FBXO25: variants seen among roughly 807,000 people sequenced by gnomAD.
FBXO25 encodes F-box only protein 25.
FBXO25 carries 45 observed loss-of-function variants against 51.9 expected under a neutral mutation model. The observed-to-expected ratio is 0.87, with a 90% CI of 0.68 to 1.11. The LOEUF (loss-of-function observed/expected upper bound fraction) is 1.11, where lower values mean the gene tolerates loss of function less well. Ranked by LOEUF, FBXO25 falls within the 50% of genes most tolerant of loss-of-function variation. FBXO25 has a pLI of 0.00. For missense variants in FBXO25, 507 were observed against 428.5 expected (o/e 1.18, Z -1.62); for synonymous variants, 199 against 151.0 (o/e 1.32, Z -2.33).
In FBXO25 at chr8:470,545, G is replaced by GC. The variant is rs961296969; in HGVS notation, c.*1741_*1742insC. 3 of 151,780 alleles carry GC rather than the reference G, an allele frequency of 2.0e-5. No individual in the cohort carries two copies. Among genetic ancestry groups the GC allele is most frequent in the Non-Finnish European group, 2.9e-5 (2 of 68,024 alleles). 9.4% of individuals were successfully genotyped at this position (151,780 alleles called of 1,614,324 possible). On this transcript the variant is annotated 3_prime_UTR_variant, in exon 10 of 10. Coordinates refer to ENST00000350302, the MANE Select transcript of FBXO25 (RefSeq NM_183420.2). ...CAGGCATATACCACCATGCTCAGCT[G>GC]TTTTTTTGTATTTTTAGTAGAGATG...
intron 7 of FBXO25, among the ~76,000 whole-genome samples, chr8:454,904 G>GAAAAAAAA (rs371095638): frequency 7.6e-6 from 1 of 130,966 alleles, no homozygotes; most frequent in Admixed American, 7.7e-5. Flanking sequence ...AAAAGAAAAA[G>GAAAAAAAA]AAAAAGAAAA....
At chr8:428,886 A>G (rs1797652273) in intron 2 of FBXO25, among the ~76,000 whole-genome samples, 1 of 152,214 alleles carries the variant, frequency 6.6e-6, no homozygotes, top group Non-Finnish European at 1.5e-5. Flanking sequence ...TTTCAGACTG[A>G]ATAATATTCC....
chr8:464,813 TTC>T (rs1205919728), intron 9 of FBXO25, among the ~76,000 whole-genome samples: 2 of 152,256 alleles, frequency 1.3e-5, no homozygotes. Context: ...GAGATTTTAT[TTC>T]TGATTTATTG....
At chr8:413,611 C>T (rs916094599) in intron 2 of FBXO25, among the ~76,000 whole-genome samples, 15 of 152,164 alleles carry the variant, frequency 9.9e-5, no homozygotes, top group African/African-American at 3.6e-4. Flanking sequence ...TGACTTTGCT[C>T]GTAACATTGT....
intron 2 of FBXO25, among the ~76,000 whole-genome samples, chr8:422,743 C>T (rs570293680): frequency 1.3e-5 from 2 of 152,252 alleles, no homozygotes; most frequent in South Asian, 4.1e-4. Context: ...TGCTGTCAGT[C>T]GTGTCTGGGG....
intron 5 of FBXO25, 86 bp downstream of exon 5, chr8:435,793 C>G: frequency 4.6e-6 from 7 of 1,523,716 alleles, no homozygotes; most frequent in Non-Finnish European, 6.2e-6. Flanking sequence ...GTTGAAGATG[C>G]TTTTGGCAGC....
At chr8:429,979 G>T (rs564420581) in intron 2 of FBXO25, among the ~76,000 whole-genome samples, 11 of 152,370 alleles carry the variant, frequency 7.2e-5, no homozygotes, top group East Asian at 1.9e-4. Flanking sequence ...TTCCAGCTCA[G>T]TGTGTCCATG....
intron 5 of FBXO25, among the ~76,000 whole-genome samples, chr8:440,945 C>T (rs1300896234): frequency 6.8e-6 from 1 of 146,000 alleles, no homozygotes; most frequent in Admixed American, 6.9e-5. Context: ...GCATAGTATT[C>T]CATGGTGTAT....
chr8:408,927 T>C lies in FBXO25; in HGVS notation c.-8+1861T>C, dbSNP rs568898634. ...AGTTTAATAATTTTCAGGAGTAATTTCTAGTTTTTTTGTGTTTGTAAATTC... is the reference window on the plus strand; with the variant it reads ...AGTTTAATAATTTTCAGGAGTAATTCCTAGTTTTTTTGTGTTTGTAAATTC... On this transcript the variant is annotated intron_variant, in intron 1 of 9. Transcript: ENST00000350302. Among the ~76,000 whole-genome samples the C allele has an allele frequency of 2.0e-5, 3 of 152,336 alleles. No homozygotes were observed. In the East Asian group the frequency reaches 5.8e-4, roughly 29 times the overall value.
chr8:452,998 T>C (rs925650294), intron 7 of FBXO25, among the ~76,000 whole-genome samples: 1 of 152,116 alleles, frequency 6.6e-6, no homozygotes, highest in Non-Finnish European at 1.5e-5. Context: ...CTTGCCCCAC[T>C]CAGTGCTGAC....
Position 456,669 on chromosome 8 carries a change from A to C in FBXO25, c.661-1700A>C, listed in dbSNP as rs73669392. Among the ~76,000 whole-genome samples, 411 of 152,242 alleles carry C rather than the reference A, an allele frequency of 2.7e-3. 1 individual carries two copies. Among genetic ancestry groups the C allele is most frequent in the African/African-American group, 9.4e-3 (390 of 41,540 alleles). ...AGTCCATGAAAGCTTCATGTCCAGA[A>C]TGTTAGAGCACTTCACAAACTGTCA... On this transcript the variant is annotated intron_variant, in intron 7 of 9. Transcript: ENST00000350302.
In FBXO25 at chr8:469,054, T is replaced by TTC. The variant is rs1800379899; in HGVS notation, c.*250_*251insTC. The TTC allele has an allele frequency of 2.2e-6, 1 of 458,114 alleles. No homozygotes were observed. Among genetic ancestry groups the TTC allele is most frequent in the Non-Finnish European group, 3.8e-6 (1 of 261,898 alleles). 28.4% of individuals were successfully genotyped at this position (458,114 alleles called of 1,614,324 possible). The stretch of plus-strand genomic sequence containing the variant: ...GCATATTAAAATGTGAAATTTTGCG[T>TTC]ACTCTCTCTCTCTATATATATAGTT... On this transcript the variant is annotated 3_prime_UTR_variant, in exon 10 of 10. Coordinates refer to ENST00000350302, the MANE Select transcript of FBXO25 (RefSeq NM_183420.2).
intron 4 of FBXO25, among the ~76,000 whole-genome samples, chr8:433,783 C>A (rs1453560365): frequency 2.0e-5 from 3 of 152,136 alleles, no homozygotes; most frequent in Non-Finnish European, 4.4e-5. Context: ...TTTGTAGATG[C>A]TCTGAAACTA....
chr8:437,907 T>A (rs1385535616), intron 5 of FBXO25, among the ~76,000 whole-genome samples: 3 of 152,204 alleles, frequency 2.0e-5, no homozygotes, highest in African/African-American at 4.8e-5. Flanking sequence ...TAGTCTAAGT[T>A]GTCCATAATG....
chr8:415,479 A>C (rs1307074440), intron 2 of FBXO25, among the ~76,000 whole-genome samples: 2 of 152,192 alleles, frequency 1.3e-5, no homozygotes, highest in African/African-American at 4.8e-5. Context: ...GACCTAAGTA[A>C]GCCTTTTATT....
At chr8:454,631 C>A (rs1355806702) in intron 7 of FBXO25, among the ~76,000 whole-genome samples, 1 of 152,172 alleles carries the variant, frequency 6.6e-6, no homozygotes, top group East Asian at 1.9e-4. Flanking sequence ...ATGGCTCACG[C>A]CAGTAGTCCC....
chr8:466,787 T>G (rs899143961), intron 9 of FBXO25, among the ~76,000 whole-genome samples: 4 of 152,176 alleles, frequency 2.6e-5, no homozygotes, highest in African/African-American at 9.7e-5. Flanking sequence ...TTAGTCAGCC[T>G]TCCACACAGT....
intron 7 of FBXO25, among the ~76,000 whole-genome samples, chr8:451,990 T>G (rs1376629527): frequency 6.6e-6 from 1 of 152,196 alleles, no homozygotes; most frequent in Non-Finnish European, 1.5e-5. Context: ...GCCCCGAGTA[T>G]TTAGATAGTG....
rs1797908401 is a variant in FBXO25, at chr8:433,049, C to G, written c.288+114C>G. 4.0e-6 allele frequency: 5 copies of G among 1,246,620 alleles called. No individual in the cohort carries two copies. In the Admixed American group the frequency reaches 1.1e-4, roughly 27 times the overall value. The allele number at this position is 1,246,620 out of a possible 1,614,324, so 77.2% of individuals were successfully genotyped here. A position where few individuals can be genotyped will look rare whatever the true frequency, so the allele number is the denominator to read the frequency against. On this transcript the variant is annotated intron_variant, in intron 4 of 9. Coordinates refer to ENST00000350302, the MANE Select transcript of FBXO25 (RefSeq NM_183420.2). Reference sequence around the variant, plus strand: ...ATAAAACACATTTCTTTTGCAATATCAGATCTATGGTTCACATTCTGACAG... The same window carrying G: ...ATAAAACACATTTCTTTTGCAATATGAGATCTATGGTTCACATTCTGACAG...
Sources: allele counts gnomAD v4.1 joint callset (sites outside exome capture counted in the v4.1 genomes callset), GRCh38; gene constraint gnomAD v4.1.1; transcripts MANE v1.5; gene names NCBI Gene and HGNC (gene_info 2026-07-23, HGNC 2026-07-21).